The following PTPRR variants were observed in gnomAD, a reference collection of about 807,000 sequenced individuals.
The protein encoded by PTPRR is receptor-type tyrosine-protein phosphatase R.
A neutral mutation model predicts 77.2 loss-of-function variants in PTPRR; 38 were observed. The ratio of observed to expected loss-of-function variants is 0.49; its 90% CI spans 0.38 to 0.65. PTPRR has a LOEUF of 0.65. PTPRR is among the 30% of genes least tolerant of loss of function. PTPRR has a pLI of 0.00. For missense variants in PTPRR, 744 were observed against 799.2 expected (o/e 0.93, Z 0.83); for synonymous variants, 299 against 283.1 (o/e 1.06, Z -0.57).
chr12:70,690,117 C>T (rs1362561203), intron 8 of PTPRR, among the ~76,000 whole-genome samples: 2 of 152,092 alleles, frequency 1.3e-5, no homozygotes, highest in Non-Finnish European at 2.9e-5. Context: ...TTAGACCATG[C>T]AAAGGTAATA....
At chr12:70,738,359 C>G (rs1889941492) in intron 6 of PTPRR, among the ~76,000 whole-genome samples, 1 of 152,106 alleles carries the variant, frequency 6.6e-6, no homozygotes, top group African/African-American at 2.4e-5. Flanking sequence ...AAAAAAACAC[C>G]CATTAATATC....
At chr12:70,722,255 G>T (rs1030976494) in intron 6 of PTPRR, among the ~76,000 whole-genome samples, 2 of 152,114 alleles carry the variant, frequency 1.3e-5, no homozygotes, top group African/African-American at 2.4e-5. Context: ...AACAGGAAAA[G>T]CCTATCCGGT....
chr12:70,678,049 T>C (rs1477172396), intron 10 of PTPRR, among the ~76,000 whole-genome samples: 2 of 149,750 alleles, frequency 1.3e-5, no homozygotes, highest in Non-Finnish European at 3.0e-5. Flanking sequence ...AATGGGATAC[T>C]TTTTTTTTTG....
chr12:70,643,680 A>G (rs1234892022), intron 13 of PTPRR, among the ~76,000 whole-genome samples: 1 of 152,168 alleles, frequency 6.6e-6, no homozygotes, highest in African/African-American at 2.4e-5. Context: ...GGTTTCATGG[A>G]TTTGCTAAAA....
chr12:70,664,803 T>A (rs1886923015), intron 10 of PTPRR: 1 of 152,176 alleles, frequency 6.6e-6, no homozygotes, highest in Admixed American at 6.5e-5. Context: ...TTAATTAGCA[T>A]CCCATCTCCT....
intron 2 of PTPRR, among the ~76,000 whole-genome samples, chr12:70,784,008 A>C (rs1592755462): frequency 6.6e-6 from 1 of 152,108 alleles, no homozygotes; most frequent in Non-Finnish European, 1.5e-5. Context: ...GAAGCCCGGC[A>C]ACAGAGACAG....
At chr12:70,835,702 T>TC (rs1260793814) in intron 2 of PTPRR, among the ~76,000 whole-genome samples, 1 of 152,124 alleles carries the variant, frequency 6.6e-6, no homozygotes, top group East Asian at 1.9e-4. Flanking sequence ...TTCCAAGCTT[T>TC]CATGCTAGAA....
At chr12:70,791,486 TTTA>T (rs1401296846) in intron 2 of PTPRR, among the ~76,000 whole-genome samples, 8 of 152,286 alleles carry the variant, frequency 5.3e-5, no homozygotes, top group African/African-American at 1.9e-4. Flanking sequence ...CTTACCTTGC[TTTA>T]TTATTTTTTT....
chr12:70,707,198 T>C (rs950227260), intron 6 of PTPRR, among the ~76,000 whole-genome samples: 1 of 152,162 alleles, frequency 6.6e-6, no homozygotes, highest in Admixed American at 6.6e-5. Context: ...AACAATGTTT[T>C]CATGATTCAA....
intron 2 of PTPRR, among the ~76,000 whole-genome samples, chr12:70,826,645 T>C (rs1892114136): frequency 6.6e-6 from 1 of 152,200 alleles, no homozygotes; most frequent in Non-Finnish European, 1.5e-5. Context: ...TCAATCCATG[T>C]GCTTTGATTT....
chr12:70,834,584 G>T (rs1275354773), intron 2 of PTPRR, among the ~76,000 whole-genome samples: 5 of 152,068 alleles, frequency 3.3e-5, no homozygotes, highest in Non-Finnish European at 7.4e-5. Flanking sequence ...CATTATTTTA[G>T]TGGTTCAAAC....
chr12:70,874,794 C>T (rs890166754), intron 2 of PTPRR, among the ~76,000 whole-genome samples: 1 of 151,670 alleles, frequency 6.6e-6, no homozygotes, highest in Non-Finnish European at 1.5e-5. Flanking sequence ...TGGTGGCGTG[C>T]ACCTATAGTA....
At chr12:70,653,013 T>C (rs906085128) in intron 13 of PTPRR, among the ~76,000 whole-genome samples, 3 of 152,108 alleles carry the variant, frequency 2.0e-5, no homozygotes, top group African/African-American at 7.2e-5. Context: ...TCAGAACAGG[T>C]GTTGCTGGAG....
At chr12:70,679,778 T>C (rs1372571324) in intron 10 of PTPRR, among the ~76,000 whole-genome samples, 1 of 152,212 alleles carries the variant, frequency 6.6e-6, no homozygotes, top group East Asian at 1.9e-4. Context: ...TATATGTCTT[T>C]ACATGTGAAG....
intron 6 of PTPRR, among the ~76,000 whole-genome samples, chr12:70,711,244 C>A (rs1888818229): frequency 6.6e-6 from 1 of 152,052 alleles, no homozygotes; most frequent in South Asian, 2.1e-4. Context: ...TTTGCAGGGA[C>A]ATGGATGGGT....
chr12:70,912,786 G>A (rs1592830335), intron 1 of PTPRR, among the ~76,000 whole-genome samples: 1 of 152,230 alleles, frequency 6.6e-6, no homozygotes, highest in South Asian at 2.1e-4. Flanking sequence ...GGCACTTATA[G>A]TTACATTATA....
Position 70,682,941 on chromosome 12 carries a change from T to C in PTPRR, c.1497+1186A>G, listed in dbSNP as rs554321876. Among the ~76,000 whole-genome samples, 121 of 152,094 alleles carry C rather than the reference T, an allele frequency of 8.0e-4. No homozygotes were observed. The Middle Eastern group carries it at 0.01, about 13-fold the overall frequency. On this transcript the variant is annotated intron_variant, in intron 10 of 13. Coordinates refer to ENST00000283228, the MANE Select transcript of PTPRR (RefSeq NM_002849.4). Reference sequence around the variant, plus strand: ...TATGCTATTTTTCCAGAATATAGTGTGTTTAGTTAGTAAGCCATGTAGTGA... The same window carrying C: ...TATGCTATTTTTCCAGAATATAGTGCGTTTAGTTAGTAAGCCATGTAGTGA...
chr12:70,915,367 G>T (rs1205809815), intron 1 of PTPRR, among the ~76,000 whole-genome samples: 2 of 152,140 alleles, frequency 1.3e-5, no homozygotes, highest in East Asian at 3.9e-4. Context: ...CAAGGTGTTA[G>T]GTAGGATGTG....
At chr12:70,720,172 C>T (rs1158494221) in intron 6 of PTPRR, among the ~76,000 whole-genome samples, 3 of 152,114 alleles carry the variant, frequency 2.0e-5, no homozygotes, top group East Asian at 3.9e-4. Flanking sequence ...CCTCGGGTGC[C>T]TTAGTCATTA....
Sources: allele counts gnomAD v4.1 joint callset (sites outside exome capture counted in the v4.1 genomes callset), GRCh38; gene constraint gnomAD v4.1.1; transcripts MANE v1.5; gene names NCBI Gene and HGNC (gene_info 2026-07-23, HGNC 2026-07-21).